MAP3K4: variants seen among roughly 807,000 people sequenced by gnomAD.
MAP3K4 encodes the protein MAP three kinase 1.
MAP3K4 carries 67 observed loss-of-function variants against 185.6 expected under a neutral mutation model. That is an observed-to-expected ratio of 0.36 (90% CI 0.30 to 0.44). MAP3K4 has a LOEUF of 0.44. Among genes scored for constraint, MAP3K4 ranks in the 20% least tolerant of loss-of-function variants. The pLI is 1.00. For missense variants in MAP3K4, 1,551 were observed against 1,995.1 expected (o/e 0.78, Z 4.24); for synonymous variants, 702 against 710.4 (o/e 0.99, Z 0.19).
intron 17 of MAP3K4, among the ~76,000 whole-genome samples, chr6:161,099,650 A>G (rs1777739916): frequency 6.6e-6 from 1 of 152,232 alleles, no homozygotes; most frequent in Non-Finnish European, 1.5e-5. Context: ...AAACACAGTC[A>G]TAATTGAGGA....
In MAP3K4 at chr6:161,103,110, A is replaced by T. The variant is rs2114899384; in HGVS notation, c.3856+331A>T. 6.6e-6 allele frequency among the ~76,000 whole-genome samples: 1 copy of T among 152,378 alleles called. No homozygotes were observed. On this transcript the variant is annotated intron_variant, in intron 19 of 26. Coordinates refer to ENST00000392142, the MANE Select transcript of MAP3K4 (RefSeq NM_005922.4). The surrounding 1 kb of genome is among the most constrained non-coding windows in gnomAD (Gnocchi z 4.6). ...ATAACCATTCATAAATTAGACATTG[A>T]GGGAAAGAACTTACGAAGCATGTGA...
At position 161,056,480 on chromosome 6, in the gene MAP3K4, C is replaced by G. The variant is rs930576940; in HGVS notation, c.1707+6501C>G. 2.6e-5 allele frequency among the ~76,000 whole-genome samples: 4 copies of G among 152,334 alleles called. No homozygotes were observed. The highest frequency in any genetic ancestry group is 4.1e-4 in the South Asian group (2 of 4,826). On this transcript the variant is annotated intron_variant, in intron 3 of 26. Transcript: ENST00000392142. The surrounding 1 kb of genome is among the most constrained non-coding windows in gnomAD (Gnocchi z 5.4). ...TGAGTTCATACTGATGTCTTTCGCT[C>G]TGATTCAGCACAAGGTTCATTCCGA...
At chr6:161,013,807 A>G (rs758317406) in intron 1 of MAP3K4, among the ~76,000 whole-genome samples, 6 of 152,198 alleles carry the variant, frequency 3.9e-5, no homozygotes, top group Admixed American at 6.5e-5. Context: ...GTTTATGCAG[A>G]AATTTCTAGG....
At chr6:161,031,429 C>T (rs549883421) in intron 1 of MAP3K4, among the ~76,000 whole-genome samples, 2 of 151,986 alleles carry the variant, frequency 1.3e-5, no homozygotes, top group Non-Finnish European at 1.5e-5. Context: ...TTTCTTAGAC[C>T]CTCTTTATCT....
intron 1 of MAP3K4, among the ~76,000 whole-genome samples, chr6:161,015,124 A>G (rs1051947893): frequency 2.0e-5 from 3 of 152,164 alleles, no homozygotes; most frequent in Non-Finnish European, 4.4e-5. Flanking sequence ...ATTCTCTTTA[A>G]TGTGTATCTT....
rs370804553 is a variant in MAP3K4 at position 161,006,157 on chromosome 6, A to G, written c.152+14074A>G. Among the ~76,000 whole-genome samples, 17 of 152,352 alleles carry G rather than the reference A, an allele frequency of 1.1e-4. No individual in the cohort carries two copies. In the East Asian group the frequency reaches 2.7e-3, roughly 24 times the overall value. ...CTAAAGGTTTACCTAAATTGTGTGAATTTGAATTCTGAAACTGTTTCTGAG... is the reference window on the plus strand; with the variant it reads ...CTAAAGGTTTACCTAAATTGTGTGAGTTTGAATTCTGAAACTGTTTCTGAG... On this transcript the variant is annotated intron_variant, in intron 1 of 26. Transcript: ENST00000392142.
chr6:161,111,756 C>T (rs1210525456), intron 23 of MAP3K4, 80 bp from the exon 24 acceptor site: 1 of 1,354,050 alleles, frequency 7.4e-7, no homozygotes, highest in African/African-American at 1.4e-5. Flanking sequence ...GAATGAAGTT[C>T]CTGGTCGTTT....
At position 161,062,021 on chromosome 6, in the gene MAP3K4, C is replaced by G. The variant is rs1325528284; in HGVS notation, c.1708-8587C>G. Among the ~76,000 whole-genome samples the G allele has an allele frequency of 3.3e-5, 5 of 152,056 alleles. No individual in the cohort carries two copies. The East Asian group carries it at 9.6e-4, about 29-fold the overall frequency. On this transcript the variant is annotated intron_variant, in intron 3 of 26. Coordinates refer to ENST00000392142, the MANE Select transcript of MAP3K4 (RefSeq NM_005922.4). ...TTAAAACATTTTATGTTTTATACTTCTGTTTTTTAGTGTAACCTTTTTGGA... is the reference window on the plus strand; with the variant it reads ...TTAAAACATTTTATGTTTTATACTTGTGTTTTTTAGTGTAACCTTTTTGGA...
Position 161,107,073 on chromosome 6 carries a change from CACACACGCAGAA to C in MAP3K4, c.4048+369_4048+380del, listed in dbSNP as rs1420932363. On this transcript the variant is annotated intron_variant, in intron 20 of 26. Transcript: ENST00000392142. The surrounding 1 kb of genome is among the most constrained non-coding windows in gnomAD (Gnocchi z 6.2). ...GCGCACACACACACACACACACACACACACACGCAGAACGTGATTTGAAGAGAGACTGGATAC... is the reference window on the plus strand; with the variant it reads ...GCGCACACACACACACACACACACACCGTGATTTGAAGAGAGACTGGATAC... Among the ~76,000 whole-genome samples the C allele has an allele frequency of 3.0e-3, 449 of 152,126 alleles. 3 individuals are homozygous for C. The highest frequency in any genetic ancestry group is 0.01 in the African/African-American group (428 of 41,456).
At position 161,116,789 on chromosome 6, in the gene MAP3K4, G is replaced by A. The variant is rs752965667; in HGVS notation, c.4807-61G>A. 3.5e-5 allele frequency: 52 copies of A among 1,505,166 alleles called. No homozygotes were observed. Among genetic ancestry groups the A allele is most frequent in the Middle Eastern group, 3.4e-4 (2 of 5,858 alleles). 93.2% of individuals were successfully genotyped at this position (1,505,166 alleles called of 1,614,324 possible). ...GCCTTCCCCGTAAGACTCATACTGC[G>A]CGTATGCACAAGCACACACCTGGCT... On this transcript the variant is annotated intron_variant, in intron 26 of 26. Coordinates refer to ENST00000392142, the MANE Select transcript of MAP3K4 (RefSeq NM_005922.4). The surrounding 1 kb of genome is among the most constrained non-coding windows in gnomAD (Gnocchi z 6.2).
In MAP3K4 at chr6:161,071,866, A is replaced by G. The variant is rs1784959610; in HGVS notation, c.1950+1016A>G. On this transcript the variant is annotated intron_variant, in intron 4 of 26. Coordinates refer to ENST00000392142, the MANE Select transcript of MAP3K4 (RefSeq NM_005922.4). The surrounding 1 kb of genome is among the most constrained non-coding windows in gnomAD (Gnocchi z 4.6). Reference sequence around the variant, plus strand: ...CATAATCGCAGTGGTTATCTAGGACATTTTGGGAAAATACTTCTCAGCTTC... The same window carrying G: ...CATAATCGCAGTGGTTATCTAGGACGTTTTGGGAAAATACTTCTCAGCTTC... 6.6e-6 allele frequency among the ~76,000 whole-genome samples: 1 copy of G among 152,190 alleles called. No homozygotes were observed. The highest frequency in any genetic ancestry group is 6.5e-5 in the Admixed American group (1 of 15,270).
At position 161,088,388 on chromosome 6, in the gene MAP3K4, A is replaced by T. The variant is rs993052407; in HGVS notation, c.2823+434A>T. Among the ~76,000 whole-genome samples the T allele has an allele frequency of 1.3e-5, 2 of 152,164 alleles. No individual in the cohort carries two copies. The highest frequency in any genetic ancestry group is 4.1e-4 in the South Asian group (2 of 4,824). ...GACCTCGTGACAGTTTCTATAACTC[A>T]TTAGTTATAAACTATGAGAAGCTTT... is the stretch of plus-strand genomic sequence containing the variant. On this transcript the variant is annotated intron_variant, in intron 10 of 26. Coordinates refer to ENST00000392142, the MANE Select transcript of MAP3K4 (RefSeq NM_005922.4). The surrounding 1 kb of genome is among the most constrained non-coding windows in gnomAD (Gnocchi z 4.5).
chr6:161,113,186 T>C (rs923337407), intron 25 of MAP3K4, among the ~76,000 whole-genome samples: 3 of 152,072 alleles, frequency 2.0e-5, no homozygotes, highest in African/African-American at 7.2e-5. Context: ...ATACTGAGCT[T>C]TAGATAAAAA....
At chr6:161,085,391 T>C (rs767917273) in intron 7 of MAP3K4, among the ~76,000 whole-genome samples, 1 of 152,212 alleles carries the variant, frequency 6.6e-6, no homozygotes, top group Non-Finnish European at 1.5e-5. Flanking sequence ...CCTCCAGTTC[T>C]GTGCAGATGG....
intron 2 of MAP3K4, among the ~76,000 whole-genome samples, chr6:161,040,744 A>G (rs78372703): frequency 6.6e-6 from 1 of 152,146 alleles, no homozygotes; most frequent in Admixed American, 6.5e-5. Flanking sequence ...TAGTCCCCCA[A>G]CTCCACATTT....
Position 161,084,690 on chromosome 6 carries a change from G to T in MAP3K4, c.2372+73G>T. 1.1e-6 allele frequency: 1 copy of T among 927,028 alleles called. No individual in the cohort carries two copies. The highest frequency in any genetic ancestry group is 1.4e-5 in the South Asian group (1 of 70,644). The allele number at this position is 927,028 out of a possible 1,614,324, so 57.4% of individuals were successfully genotyped here. A position where few individuals can be genotyped will look rare whatever the true frequency, so the allele number is the denominator to read the frequency against. On this transcript the variant is annotated intron_variant, in intron 7 of 26. Transcript: ENST00000392142. This position sits in a 1 kb window ranked among gnomAD's most constrained non-coding sequence, Gnocchi z 4.6. ...CCTTCCTCATGGTGAGATCCTAGAAGGAGCCTTGTTCAAACCAAATTGTGT... is the reference window on the plus strand; with the variant it reads ...CCTTCCTCATGGTGAGATCCTAGAATGAGCCTTGTTCAAACCAAATTGTGT...
intron 3 of MAP3K4, among the ~76,000 whole-genome samples, chr6:161,052,164 C>A (rs1182468618): frequency 6.6e-6 from 1 of 151,348 alleles, no homozygotes. Context: ...CTTCACCCAC[C>A]CTCCCTCCCC....
At chr6:161,028,850 T>C (rs1238117238) in intron 1 of MAP3K4, among the ~76,000 whole-genome samples, 1 of 152,214 alleles carries the variant, frequency 6.6e-6, no homozygotes, top group Non-Finnish European at 1.5e-5. Context: ...GGTGAGCTGA[T>C]AAATGTTCAG....
In MAP3K4 at chr6:161,048,820, A is replaced by G. The variant is rs760797656; in HGVS notation, c.548A>G (p.Asp183Gly). 6 of 1,614,048 alleles carry G rather than the reference A, an allele frequency of 3.7e-6. No individual in the cohort carries two copies. The highest frequency in any genetic ancestry group is 5.1e-6 in the Non-Finnish European group (6 of 1,180,038). The part of the protein sequence containing the change: ...SLPKKSIPDV[D>G]LNKPYLSLGC... ...CCAAAAAAATCAATTCCAGATGTGG[A>G]TCTCAATAAGCCTTACCTCAGCCTT... The change falls in exon 3 of 27, where the codon GAT (aspartate) becomes GGT (glycine). Residue 183 changes from aspartate (D) to glycine (G), a missense_variant. By Grantham distance (94) the Asp-to-Gly change is moderately conservative. Coordinates refer to ENST00000392142, the MANE Select transcript of MAP3K4 (RefSeq NM_005922.4). The surrounding 1 kb of genome is among the most constrained non-coding windows in gnomAD (Gnocchi z 4.7).
Sources: gnomAD v4.1 joint callset for allele counts (sites outside exome capture counted in the v4.1 genomes callset) on GRCh38, gnomAD v4.1.1 for gene constraint, Gnocchi (gnomAD v3.1) non-coding constraint, MANE v1.5 for transcripts, NCBI Gene and HGNC (gene_info 2026-07-23, HGNC 2026-07-21) for gene names.